USP49: variants seen among roughly 807,000 people sequenced by gnomAD.
USP49 encodes the protein ubiquitin specific peptidase 49, also known as ubiquitin carboxyl-terminal hydrolase 49.
In USP49, 24 loss-of-function variants were observed where a neutral mutation model predicts 58.6. The observed-to-expected ratio is 0.41, with a 90% CI of 0.30 to 0.58. The LOEUF is 0.58. USP49 is among the 20% of genes least tolerant of loss of function. USP49 has a pLI of 0.30. For missense variants in USP49, 703 were observed against 866.1 expected (o/e 0.81, Z 2.36); for synonymous variants, 408 against 365.1 (o/e 1.12, Z -1.34).
At chr6:41,878,247 T>C (rs1774536967) in intron 2 of USP49, among the ~76,000 whole-genome samples, 1 of 152,210 alleles carries the variant, frequency 6.6e-6, no homozygotes, top group Non-Finnish European at 1.5e-5. Flanking sequence ...CCAGGTGTTC[T>C]GGGGCAGGCT....
At chr6:41,830,739 C>T (rs1231598514) in intron 3 of USP49, among the ~76,000 whole-genome samples, 2 of 151,998 alleles carry the variant, frequency 1.3e-5, no homozygotes, top group African/African-American at 4.8e-5. Context: ...AAGAGAATCA[C>T]TTGAACCTGG....
At chr6:41,851,836 T>C (rs948765782) in intron 3 of USP49, among the ~76,000 whole-genome samples, 2 of 148,072 alleles carry the variant, frequency 1.4e-5, no homozygotes, top group Non-Finnish European at 3.0e-5. Flanking sequence ...GCACCTGTAA[T>C]CCCAGCCACT....
intron 2 of USP49, among the ~76,000 whole-genome samples, chr6:41,879,048 G>A (rs1029515239): frequency 6.6e-6 from 1 of 152,216 alleles, no homozygotes; most frequent in African/African-American, 2.4e-5. Flanking sequence ...CCTTGTTTGA[G>A]AAGTTACTCA....
At chr6:41,876,398 G>T (rs1774505239) in intron 2 of USP49, among the ~76,000 whole-genome samples, 1 of 152,070 alleles carries the variant, frequency 6.6e-6, no homozygotes, top group African/African-American at 2.4e-5. Flanking sequence ...AATCATAAAT[G>T]ATCAGCCATC....
rs562355880 is a variant in USP49, at chr6:41,807,787, T to G, written c.-28-776A>C. Among the ~76,000 whole-genome samples, 7 of 151,846 alleles carry G rather than the reference T, an allele frequency of 4.6e-5. No individual in the cohort carries two copies. In the East Asian group the frequency reaches 1.2e-3, roughly 25 times the overall value. On this transcript the variant is annotated intron_variant, in intron 3 of 7. Transcript: ENST00000682992. Reference sequence around the variant, plus strand: ...ATTTTTTGTTTTTTATGTATTTTTTTTTTTGAGGTCGAGCCTCCCTCTGTC... The same window carrying G: ...ATTTTTTGTTTTTTATGTATTTTTTGTTTTGAGGTCGAGCCTCCCTCTGTC...
At chr6:41,884,348 G>A (rs1774671209) in intron 2 of USP49, among the ~76,000 whole-genome samples, 2 of 152,224 alleles carry the variant, frequency 1.3e-5, no homozygotes, top group African/African-American at 4.8e-5. Flanking sequence ...AAAACATAGT[G>A]CTCACTGAAA....
chr6:41,832,152 T>A (rs542176590), intron 3 of USP49, among the ~76,000 whole-genome samples: 1 of 152,258 alleles, frequency 6.6e-6, no homozygotes, highest in South Asian at 2.1e-4. Context: ...ACAAGGCTCT[T>A]GATATAAAGA....
intron 4 of USP49, among the ~76,000 whole-genome samples, chr6:41,804,825 C>T (rs766343190): frequency 1.3e-5 from 2 of 152,160 alleles, no homozygotes; most frequent in African/African-American, 2.4e-5. Context: ...CTCGGCTCAC[C>T]GCAACCTCCG....
intron 3 of USP49, among the ~76,000 whole-genome samples, chr6:41,829,602 C>T (rs1773601682): frequency 1.3e-5 from 2 of 152,130 alleles, no homozygotes; most frequent in Admixed American, 6.5e-5. Flanking sequence ...CGTGAGCCAC[C>T]GCGCCTGGCG....
intron 2 of USP49, among the ~76,000 whole-genome samples, chr6:41,889,683 T>C (rs1248101103): frequency 6.6e-6 from 1 of 152,228 alleles, no homozygotes; most frequent in Non-Finnish European, 1.5e-5. Context: ...AAATCCACTC[T>C]AAACCCAATC....
intron 3 of USP49, among the ~76,000 whole-genome samples, chr6:41,865,991 G>A (rs926231823): frequency 2.9e-5 from 4 of 136,266 alleles, no homozygotes; most frequent in African/African-American, 8.5e-5. Context: ...GCGCGATCTC[G>A]GCTCACTGCA....
At position 41,854,028 on chromosome 6, in the gene USP49, C is replaced by G. The variant is rs548745796; in HGVS notation, c.-29+17536G>C. ...AAAAAAAAAAAAAAAAAAAAAGAAG[C>G]AGGGTAGGCCAGGAGGGGTGGCTCA... is the stretch of plus-strand genomic sequence containing the variant. On this transcript the variant is annotated intron_variant, in intron 3 of 7. Transcript: ENST00000682992. 6.4e-5 allele frequency among the ~76,000 whole-genome samples: 8 copies of G among 125,508 alleles called. No individual in the cohort carries two copies. In the East Asian group the frequency reaches 2.0e-3, roughly 32 times the overall value. 82.3% of individuals were successfully genotyped at this position (125,508 alleles called of 152,430 possible). A position where few individuals can be genotyped will look rare whatever the true frequency, so the allele number is the denominator to read the frequency against.
chr6:41,865,745 C>T (rs182854576), intron 3 of USP49, among the ~76,000 whole-genome samples: 6 of 151,560 alleles, frequency 4.0e-5, no homozygotes, highest in Non-Finnish European at 7.4e-5. Context: ...CTCAAGCCAT[C>T]CTCCTGCCTC....
At chr6:41,876,797 G>A (rs974189732) in intron 2 of USP49, among the ~76,000 whole-genome samples, 1 of 152,174 alleles carries the variant, frequency 6.6e-6, no homozygotes, top group Non-Finnish European at 1.5e-5. Flanking sequence ...AAATTTACAT[G>A]CATTTACAGC....
chr6:41,862,172 A>G (rs1774235163), intron 3 of USP49, among the ~76,000 whole-genome samples: 1 of 152,230 alleles, frequency 6.6e-6, no homozygotes, highest in Non-Finnish European at 1.5e-5. Flanking sequence ...AAGTGCATCT[A>G]TGACATAATT....
Position 41,796,557 on chromosome 6 carries a change from T to A in USP49, c.2043A>T (p.Glu681Asp), listed in dbSNP as rs886869135. Residue 681 changes from glutamate to aspartate, a missense_variant, in exon 8 of 8, where the codon GAA becomes GAT. Around this residue, in one of 6 missense-constraint regions of USP49, gnomAD observed 158 missense variants for 241.2 expected, o/e 0.66. Transcript: ENST00000682992. Reference protein sequence around the residue: ...QAQVQSSNNDEGRPQTFS With the variant: ...QAQVQSSNNDDGRPQTFS ...TTCAGGAAAATGTCTGTGGTCTGCC[T>A]TCATCATTGTTGCTGGACTGCACCT... is the stretch of plus-strand genomic sequence containing the variant. 1 of 717,484 alleles carries A rather than the reference T, an allele frequency of 1.4e-6. No homozygotes were observed. The allele number at this position is 717,484 out of a possible 1,614,324, so 44.4% of individuals were successfully genotyped here. A position where few individuals can be genotyped will look rare whatever the true frequency, so the allele number is the denominator to read the frequency against.
intron 3 of USP49, among the ~76,000 whole-genome samples, chr6:41,870,688 ATTT>A (rs70987539): frequency 2.6e-5 from 3 of 116,062 alleles, no homozygotes; most frequent in South Asian, 2.8e-4. Flanking sequence ...CACCTGGCTA[ATTT>A]TTTTTTTTTT....
chr6:41,841,783 G>T (rs1252030894), intron 3 of USP49, among the ~76,000 whole-genome samples: 1 of 152,158 alleles, frequency 6.6e-6, no homozygotes, highest in East Asian at 1.9e-4. Context: ...TTGGCCGGGC[G>T]CAGTGGCTCA....
chr6:41,802,465 TTTATTTTTTATTTA>T (rs1163911637), intron 5 of USP49, among the ~76,000 whole-genome samples: 20 of 76,394 alleles, frequency 2.6e-4, no homozygotes, highest in African/African-American at 1.2e-3. Context: ...TATTTATTTA[TTTATTTTTTATTTA>T]TTTTTTTTTT....
Sources: gnomAD v4.1 joint callset for allele counts (sites outside exome capture counted in the v4.1 genomes callset) on GRCh38, gnomAD v4.1.1 for gene constraint, gnomAD v4.1.1 regional missense constraint, MANE v1.5 for transcripts, NCBI Gene and HGNC (gene_info 2026-07-23, HGNC 2026-07-21) for gene names.